The following CAST variants were observed in gnomAD, a reference collection of about 807,000 sequenced individuals.
CAST encodes MIR583 host.
A neutral mutation model predicts 119.6 loss-of-function variants in CAST; 76 were observed. That is an observed-to-expected ratio of 0.64 (90% CI 0.53 to 0.77). The LOEUF (loss-of-function observed/expected upper bound fraction) is 0.77. CAST is among the 30% of genes least tolerant of loss of function. CAST has a pLI of 0.00. For missense variants in CAST, 953 were observed against 946.5 expected, an observed-to-expected ratio of 1.01 and a Z score of -0.09; for synonymous variants, 319 against 331.6, an observed-to-expected ratio of 0.96 and a Z score of 0.41.
chr5:96,224,550 T>C, the CAST span, among the ~76,000 whole-genome samples: 1 of 152,060 alleles, frequency 6.6e-6, no homozygotes, highest in Admixed American at 6.6e-5. Flanking sequence ...GTGGCAGAGA[T>C]GGGACTGATG....
the CAST span, among the ~76,000 whole-genome samples, chr5:96,249,917 C>G: frequency 1.3e-5 from 2 of 152,130 alleles, no homozygotes; most frequent in African/African-American, 4.8e-5. Flanking sequence ...CGATAGCAAC[C>G]TACCCATGAG....
chr5:96,311,958 T>A, the CAST span, among the ~76,000 whole-genome samples: 1 of 152,072 alleles, frequency 6.6e-6, no homozygotes, highest in Non-Finnish European at 1.5e-5. Context: ...ATTTTGTTAA[T>A]TGTTTTCTGG....
At chr5:96,537,249 TACTC>T (rs1745837595) in intron 1 of CAST, among the ~76,000 whole-genome samples, 1 of 152,216 alleles carries the variant, frequency 6.6e-6, no homozygotes. Flanking sequence ...AAGCTACTCT[TACTC>T]ACAACTCTAT....
At chr5:96,547,134 CTGTGTATT>C in intron 1 of CAST, among the ~76,000 whole-genome samples, 1 of 23,226 alleles carries the variant, frequency 4.3e-5, no homozygotes, top group Non-Finnish European at 9.8e-5. Flanking sequence ...GGGATAGCAC[CTGTGTATT>C]CCCTGGGGTT....
chr5:96,301,243 A>C, the CAST span, among the ~76,000 whole-genome samples: 15 of 152,190 alleles, frequency 9.9e-5, no homozygotes, highest in African/African-American at 3.6e-4. Flanking sequence ...ACTCACTTGC[A>C]TTATGAGAGC....
At chr5:96,559,713 G>A (rs263395) in intron 1 of CAST, among the ~76,000 whole-genome samples, 51,459 of 152,014 alleles carry the variant, frequency 0.34, 9,352 homozygotes, top group Middle Eastern at 0.46. Context: ...GAGGATACAA[G>A]CAAATGGAAG....
chr5:96,058,816 A>C, the CAST span, among the ~76,000 whole-genome samples: 4 of 152,142 alleles, frequency 2.6e-5, no homozygotes, highest in Admixed American at 2.6e-4. Flanking sequence ...CGAAGTGTGA[A>C]AGTCTGGCAG....
chr5:96,312,946 A>G, the CAST span, among the ~76,000 whole-genome samples: 1 of 152,110 alleles, frequency 6.6e-6, no homozygotes, highest in African/African-American at 2.4e-5. Flanking sequence ...GAGACGAGAC[A>G]TTTGTTCATT....
At chr5:96,309,725 T>C in the CAST span, among the ~76,000 whole-genome samples, 152,320 of 152,336 alleles carry the variant, frequency 1, 76,153 homozygotes, top group Middle Eastern at 1. Flanking sequence ...TGACCCCTTG[T>C]GCTTCTAGGG....
At chr5:96,356,044 TG>T in the CAST span, among the ~76,000 whole-genome samples, 1 of 152,186 alleles carries the variant, frequency 6.6e-6, no homozygotes, top group African/African-American at 2.4e-5. Flanking sequence ...TGGCATGAGA[TG>T]GTATCTCATT....
the CAST span, among the ~76,000 whole-genome samples, chr5:96,460,271 C>A: frequency 6.6e-6 from 1 of 151,768 alleles, no homozygotes; most frequent in South Asian, 2.1e-4. Context: ...TCACTTGAGA[C>A]CGTGGAGAAC....
At chr5:96,680,457 C>CATCTTG (rs1751275667) in intron 2 of CAST, among the ~76,000 whole-genome samples, 4 of 149,906 alleles carry the variant, frequency 2.7e-5, no homozygotes, top group African/African-American at 9.8e-5. Flanking sequence ...GCACTATGTA[C>CATCTTG]ATCTTGGTGT....
chr5:96,324,967 T>C, the CAST span, among the ~76,000 whole-genome samples: 1 of 152,172 alleles, frequency 6.6e-6, no homozygotes, highest in African/African-American at 2.4e-5. Flanking sequence ...ACCTTTGGGA[T>C]GCCGAAGTGG....
At chr5:96,148,465 C>T in the CAST span, among the ~76,000 whole-genome samples, 16 of 152,158 alleles carry the variant, frequency 1.1e-4, no homozygotes, top group Non-Finnish European at 8.8e-5. Flanking sequence ...CACAATTATT[C>T]GGTAGTTTCT....
At chr5:96,449,032 A>G in the CAST span, among the ~76,000 whole-genome samples, 2 of 152,196 alleles carry the variant, frequency 1.3e-5, no homozygotes, top group African/African-American at 2.4e-5. Flanking sequence ...AGCTTCTCCA[A>G]GACAATCATC....
chr5:96,252,847 A>G, the CAST span, among the ~76,000 whole-genome samples: 3 of 152,254 alleles, frequency 2.0e-5, no homozygotes, highest in Non-Finnish European at 2.9e-5. Context: ...GAGAAATAGC[A>G]AGTGAGTTTG....
the CAST span, among the ~76,000 whole-genome samples, chr5:96,455,635 C>G: frequency 2.6e-5 from 4 of 152,196 alleles, no homozygotes; most frequent in Non-Finnish European, 5.9e-5. Context: ...TGTCAACAAT[C>G]CCGAGCTCTG....
chr5:96,561,786 G>GTTT (rs1554067776), intron 1 of CAST, among the ~76,000 whole-genome samples: 1 of 105,442 alleles, frequency 9.5e-6, no homozygotes, highest in African/African-American at 3.5e-5. Flanking sequence ...TTATATATAT[G>GTTT]TTTTTTTTTG....
chr5:96,333,824 G>A, the CAST span, among the ~76,000 whole-genome samples: 7 of 152,180 alleles, frequency 4.6e-5, no homozygotes, highest in East Asian at 1.9e-4. Flanking sequence ...GCTGTGTGGC[G>A]TTACATGCAA....
Sources: gnomAD v4.1 joint callset for allele counts (sites outside exome capture counted in the v4.1 genomes callset) on GRCh38, gnomAD v4.1.1 for gene constraint, MANE v1.5 for transcripts, NCBI Gene and HGNC (gene_info 2026-07-23, HGNC 2026-07-21) for gene names.